URI1: variants seen among roughly 807,000 people sequenced by gnomAD.
URI1 encodes URI1 prefoldin like chaperone, also known as unconventional prefoldin RPB5 interactor 1.
A neutral mutation model predicts 60.2 loss-of-function variants in URI1; 39 were observed. The observed-to-expected ratio is 0.65, with a 90% CI of 0.50 to 0.85. URI1 has a LOEUF of 0.85. Among genes scored for constraint, URI1 ranks in the 40% least tolerant of loss-of-function variants. The probability of loss-of-function intolerance (pLI) is 0.00; values close to 1 mark genes in which losing one functional copy is unlikely to be tolerated. For missense variants in URI1, 691 were observed against 665.9 expected (o/e 1.04, Z -0.42); for synonymous variants, 251 against 236.8 (o/e 1.06, Z -0.55).
At chr19:29,974,131 A>G (rs977096866) in intron 2 of URI1, among the ~76,000 whole-genome samples, 2 of 152,140 alleles carry the variant, frequency 1.3e-5, no homozygotes, top group African/African-American at 4.8e-5. Context: ...ACCTTGAACA[A>G]TTATGCTCAG....
rs3840928 is a variant in URI1, at chr19:30,009,211, GTGATGATGATGA to G, written c.909_920del (p.Asp308_Asp311del). 3.9e-6 allele frequency: 6 copies of G among 1,541,428 alleles called. No individual in the cohort carries two copies. The highest frequency in any genetic ancestry group is 2.3e-5 in the South Asian group (2 of 87,266). The stretch of plus-strand genomic sequence containing the variant: ...GTGAATGGTTCCAGTTCTTACCACA[GTGATGATGATGA>G]TGATGATGATGATGACGACGACGAC... On this transcript the variant is annotated inframe_deletion, in exon 8 of 11. Coordinates refer to ENST00000392271, the MANE Select transcript of URI1 (RefSeq NM_003796.3).
At chr19:30,004,845 G>A (rs2055920260) in intron 4 of URI1, among the ~76,000 whole-genome samples, 1 of 152,002 alleles carries the variant, frequency 6.6e-6, no homozygotes, top group African/African-American at 2.4e-5. Flanking sequence ...TTGAAAGGCT[G>A]TGTGTTGTGT....
intron 2 of URI1, among the ~76,000 whole-genome samples, chr19:29,978,810 CTTTTAT>C (rs1027476536): frequency 2.6e-5 from 4 of 152,106 alleles, no homozygotes; most frequent in African/African-American, 7.2e-5. Flanking sequence ...TCACATTTTT[CTTTTAT>C]TTTTAAGTCA....
intron 1 of URI1, among the ~76,000 whole-genome samples, chr19:29,954,094 C>T (rs1357338517): frequency 2.0e-5 from 3 of 152,186 alleles, no homozygotes; most frequent in Non-Finnish European, 4.4e-5. Context: ...CCCCTTCTTT[C>T]ATAGTGAAAA....
rs976434833 is a variant in URI1, at chr19:29,942,619, G to A, written c.72G>A (p.Pro24=). 4.9e-6 allele frequency: 7 copies of A among 1,438,280 alleles called. No homozygotes were observed. In the African/African-American group the frequency reaches 8.9e-5, roughly 18 times the overall value. 89.1% of individuals were successfully genotyped at this position (1,438,280 alleles called of 1,614,324 possible). ...PPSAPAPALV[P]LRAPDVARLR... Reference sequence around the variant, plus strand: ...CGGCCCCGGCCCCTGCCCTGGTTCCGTTGCGCGCCCCGGATGTGGCGCGGC... The same window carrying A: ...CGGCCCCGGCCCCTGCCCTGGTTCCATTGCGCGCCCCGGATGTGGCGCGGC... Residue 24 remains proline, a synonymous_variant, in exon 1 of 11, where the codon CCG becomes CCA. Transcript: ENST00000392271.
chr19:29,964,464 G>GTTTTTTTTTTTT (rs373357906), intron 1 of URI1, among the ~76,000 whole-genome samples: 2 of 124,646 alleles, frequency 1.6e-5, no homozygotes, highest in African/African-American at 3.0e-5. Context: ...TTTTTGTTTT[G>GTTTTTTTTTTTT]TTTTTTTTTT....
intron 6 of URI1, 85 bp from the exon 7 acceptor site, chr19:30,007,385 C>G: frequency 6.2e-6 from 9 of 1,445,260 alleles, no homozygotes; most frequent in Non-Finnish European, 8.4e-6. Context: ...TTTCCCTTGC[C>G]CCAAAAGAAA....
chr19:29,927,141 TG>T (rs1423587934), intron 1 of URI1, among the ~76,000 whole-genome samples: 1 of 151,854 alleles, frequency 6.6e-6, no homozygotes, highest in Non-Finnish European at 1.5e-5. Flanking sequence ...GCTGGGGGAG[TG>T]TAGACAGGAG....
intron 1 of URI1, among the ~76,000 whole-genome samples, chr19:29,927,406 G>T (rs2054878021): frequency 6.6e-6 from 1 of 151,668 alleles, no homozygotes; most frequent in African/African-American, 2.4e-5. Context: ...TGGGATTACA[G>T]GCACATGCCA....
intron 1 of URI1, among the ~76,000 whole-genome samples, chr19:29,967,141 T>C (rs1384832571): frequency 6.6e-6 from 1 of 152,208 alleles, no homozygotes; most frequent in Non-Finnish European, 1.5e-5. Context: ...AAAATAATTT[T>C]TAAAAAGCAG....
intron 2 of URI1, among the ~76,000 whole-genome samples, chr19:29,977,558 C>CTTTTTTTTTTTTTTTT (rs749382980): frequency 5.3e-5 from 6 of 112,570 alleles, no homozygotes; most frequent in Middle Eastern, 4.3e-3. Context: ...GTTATTTTTT[C>CTTTTTTTTTTTTTTTT]TTTTTTTTTT....
At chr19:29,984,292 G>C (rs909536286) in intron 2 of URI1, among the ~76,000 whole-genome samples, 1 of 152,060 alleles carries the variant, frequency 6.6e-6, no homozygotes, top group Non-Finnish European at 1.5e-5. Context: ...AGCTGGGCGT[G>C]GTGTCATGCG....
intron 1 of URI1, among the ~76,000 whole-genome samples, chr19:29,930,861 CT>C (rs35842559): frequency 0.8 from 105,012 of 131,008 alleles, 42,739 homozygotes; most frequent in East Asian, 0.95. Flanking sequence ...CCATGCCTGT[CT>C]TTTTTTTTTT....
At chr19:30,012,720 A>G (rs1350775342) in intron 10 of URI1, 189 bp downstream of exon 10, 1 of 674,536 alleles carries the variant, frequency 1.5e-6, no homozygotes, top group Non-Finnish European at 2.2e-6. Flanking sequence ...TTTTTGATAA[A>G]CACATTACTT....
upstream of URI1, chr19:29,942,191 G>C (rs1383180081): frequency 1.0e-5 from 10 of 983,092 alleles, no homozygotes; most frequent in Non-Finnish European, 1.2e-5. Flanking sequence ...GGGCGTGTCG[G>C]GGGCGGGGCC....
intron 1 of URI1, among the ~76,000 whole-genome samples, chr19:29,945,833 T>TAGGTAAA (rs2145233990): frequency 6.6e-6 from 1 of 152,246 alleles, no homozygotes; most frequent in South Asian, 2.1e-4. Flanking sequence ...TTTATTATTT[T>TAGGTAAA]ACCTAAAAGT....
At chr19:29,971,732 A>T (rs1270854876) in intron 2 of URI1, among the ~76,000 whole-genome samples, 2 of 151,498 alleles carry the variant, frequency 1.3e-5, no homozygotes, top group East Asian at 1.9e-4. Flanking sequence ...TTAATGTGCT[A>T]ATCTATAGTT....
At chr19:29,962,530 G>A (rs1396554256) in intron 1 of URI1, among the ~76,000 whole-genome samples, 3 of 145,422 alleles carry the variant, frequency 2.1e-5, no homozygotes, top group East Asian at 2.0e-4. Context: ...TTAATTCTAC[G>A]TATTTTAAAC....
In URI1 at chr19:29,953,356, CA is replaced by C. The variant is rs969641419; in HGVS notation, c.117+10702del. Among the ~76,000 whole-genome samples the C allele has an allele frequency of 6.9e-4, 103 of 149,758 alleles. 2 individuals are homozygous for C. In the East Asian group the frequency reaches 0.015, roughly 22 times the overall value. On this transcript the variant is annotated intron_variant, in intron 1 of 10. Transcript: ENST00000392271. ...CTGTGCTGATGAAGATTCCCTTCAT[CA>C]AAAAAAAAATTTATTGGACTTCATT...
Sources: allele counts gnomAD v4.1 joint callset (sites outside exome capture counted in the v4.1 genomes callset), GRCh38; gene constraint gnomAD v4.1.1; transcripts MANE v1.5; gene names NCBI Gene and HGNC (gene_info 2026-07-23, HGNC 2026-07-21).